SLC9A9: variants seen among roughly 807,000 people sequenced by gnomAD.
The protein encoded by SLC9A9 is sodium/hydrogen exchanger 9.
Under a neutral mutation model 77.8 loss-of-function variants are expected in SLC9A9, and 62 were observed. The ratio of observed to expected loss-of-function variants is 0.80; its 90% confidence interval spans 0.65 to 0.98. The LOEUF (loss-of-function observed/expected upper bound fraction) is 0.98. Ranked by LOEUF, SLC9A9 falls within the 50% of genes least tolerant of loss-of-function variation. SLC9A9 has a pLI of 0.00. For synonymous variants in SLC9A9, 320 were observed against 283.5 expected (o/e 1.13, Z -1.29); for missense variants, 775 against 774.9 (o/e 1.00, Z 0.00).
At chr3:143,728,551 C>A (rs1458991624) in intron 4 of SLC9A9, among the ~76,000 whole-genome samples, 3 of 151,964 alleles carry the variant, frequency 2.0e-5, no homozygotes, top group Non-Finnish European at 4.4e-5. Flanking sequence ...TGGATTTTTT[C>A]TGAAATGCAA....
chr3:143,526,370 A>T (rs1398510393), intron 9 of SLC9A9, among the ~76,000 whole-genome samples: 1 of 152,240 alleles, frequency 6.6e-6, no homozygotes, highest in Non-Finnish European at 1.5e-5. Context: ...GCTTAGGGGC[A>T]GGCTGCTCTG....
intron 12 of SLC9A9, among the ~76,000 whole-genome samples, chr3:143,440,032 A>T (rs762898739): frequency 6.6e-6 from 1 of 152,254 alleles, no homozygotes; most frequent in Non-Finnish European, 1.5e-5. Flanking sequence ...TAACCAATGC[A>T]TACTACATTG....
intron 9 of SLC9A9, among the ~76,000 whole-genome samples, chr3:143,540,735 T>A (rs2036674612): frequency 6.6e-6 from 1 of 152,230 alleles, no homozygotes; most frequent in South Asian, 2.1e-4. Flanking sequence ...ATTCTTTGTG[T>A]GGCCTTAACT....
Position 143,662,534 on chromosome 3 carries a change from A to G in SLC9A9, c.650-10174T>C, listed in dbSNP as rs573179239. 2.1e-4 allele frequency among the ~76,000 whole-genome samples: 32 copies of G among 152,248 alleles called. No homozygotes were observed. The South Asian group carries it at 6.4e-3, about 31-fold the overall frequency. ...ACCCGAGAAGTGCAAGGGGTCAGGG[A>G]ATTCCCTTTCCTACCCAAGGGAAGC... On this transcript the variant is annotated intron_variant, in intron 5 of 15. Transcript: ENST00000316549.
chr3:143,471,650 A>G (rs1434893820), intron 11 of SLC9A9, among the ~76,000 whole-genome samples: 2 of 152,142 alleles, frequency 1.3e-5, no homozygotes, highest in Non-Finnish European at 2.9e-5. Flanking sequence ...TTTGGGTTTT[A>G]TCTTTCTTTT....
intron 12 of SLC9A9, among the ~76,000 whole-genome samples, chr3:143,447,457 T>A (rs966471677): frequency 2.0e-5 from 3 of 152,236 alleles, no homozygotes; most frequent in African/African-American, 7.2e-5. Context: ...TGAAAACCAT[T>A]GCCTTAAAGT....
rs143116936 is a variant in SLC9A9, at chr3:143,716,111, G to C, written c.534-22804C>G. Among the ~76,000 whole-genome samples, 404 of 152,258 alleles carry C rather than the reference G, an allele frequency of 2.7e-3. 2 individuals carry two copies. The highest frequency in any genetic ancestry group is 9.0e-3 in the African/African-American group (375 of 41,540). ...TTTTTTTGAGACAGAATCTTACTCT[G>C]TTGCCCAGGTTGGATTGCAGTGGCA... On this transcript the variant is annotated intron_variant, in intron 4 of 15. Transcript: ENST00000316549.
At chr3:143,503,612 G>A in intron 9 of SLC9A9, 1 of 448,822 alleles carries the variant, frequency 2.2e-6, no homozygotes, top group Non-Finnish European at 4.5e-6. Context: ...GTTCAGCTCA[G>A]GGATGACCTT....
chr3:143,845,542 G>A (rs375880148), intron 1 of SLC9A9, among the ~76,000 whole-genome samples: 2 of 152,176 alleles, frequency 1.3e-5, no homozygotes, highest in African/African-American at 2.4e-5. Context: ...TCAGGTGAAC[G>A]TGAACCTTAG....
intron 14 of SLC9A9, 49 bp downstream of exon 14, chr3:143,363,435 A>G (rs1439246741): frequency 2.6e-6 from 4 of 1,556,054 alleles, no homozygotes; most frequent in Non-Finnish European, 2.7e-6. Flanking sequence ...GCTTAAAGTA[A>G]TTCTCTGCCT....
chr3:143,624,340 G>A (rs899024753), intron 6 of SLC9A9, among the ~76,000 whole-genome samples: 39 of 152,088 alleles, frequency 2.6e-4, no homozygotes, highest in African/African-American at 8.9e-4. Context: ...CAATATCCCC[G>A]ATGAATATCA....
At chr3:143,773,578 G>A (rs1286675012) in intron 4 of SLC9A9, among the ~76,000 whole-genome samples, 1 of 151,378 alleles carries the variant, frequency 6.6e-6, no homozygotes, top group African/African-American at 2.4e-5. Flanking sequence ...TCTGCCCCCT[G>A]GGTTCAAGCA....
intron 4 of SLC9A9, among the ~76,000 whole-genome samples, chr3:143,694,461 C>CAT (rs1435253612): frequency 1.3e-5 from 2 of 152,088 alleles, no homozygotes; most frequent in Non-Finnish European, 1.5e-5. Context: ...GTGTCTGGCA[C>CAT]ATAGCAAATT....
At chr3:143,633,627 A>G in intron 6 of SLC9A9, among the ~76,000 whole-genome samples, 1 of 152,186 alleles carries the variant, frequency 6.6e-6, no homozygotes, top group East Asian at 1.9e-4. Context: ...TTTGTAAGGT[A>G]GATTGCTAGA....
At chr3:143,408,463 A>G (rs1314519770) in intron 12 of SLC9A9, among the ~76,000 whole-genome samples, 1 of 152,226 alleles carries the variant, frequency 6.6e-6, no homozygotes, top group African/African-American at 2.4e-5. Context: ...TTAGCACTGT[A>G]TAATATTTAT....
chr3:143,641,609 G>A (rs1187283187), intron 6 of SLC9A9, among the ~76,000 whole-genome samples: 3 of 151,998 alleles, frequency 2.0e-5, no homozygotes, highest in Non-Finnish European at 4.4e-5. Context: ...TAGCCAGGAT[G>A]GTCTCGATCT....
At chr3:143,363,758 G>A (rs2032821590) in intron 13 of SLC9A9, among the ~76,000 whole-genome samples, 195 bp from the exon 14 acceptor site, 1 of 152,074 alleles carries the variant, frequency 6.6e-6, no homozygotes, top group Admixed American at 6.6e-5. Context: ...AGACCCTTTT[G>A]GAGTATTTCA....
At chr3:143,534,822 A>AT (rs2036567234) in intron 9 of SLC9A9, among the ~76,000 whole-genome samples, 1 of 152,134 alleles carries the variant, frequency 6.6e-6, no homozygotes, top group Non-Finnish European at 1.5e-5. Flanking sequence ...TTGGCTTGAG[A>AT]TTTTCTTTAA....
At chr3:143,761,448 C>G (rs961089179) in intron 4 of SLC9A9, among the ~76,000 whole-genome samples, 4 of 152,106 alleles carry the variant, frequency 2.6e-5, no homozygotes, top group Non-Finnish European at 4.4e-5. Flanking sequence ...ACTCATCTGA[C>G]AAAGGGCTAA....
Sources: gnomAD v4.1 joint callset for allele counts (sites outside exome capture counted in the v4.1 genomes callset) on GRCh38, gnomAD v4.1.1 for gene constraint, MANE v1.5 for transcripts, NCBI Gene and HGNC (gene_info 2026-07-23, HGNC 2026-07-21) for gene names.